KLHL22: variants seen among roughly 807,000 people sequenced by gnomAD.
The protein encoded by KLHL22 is kelch-like protein 22.
Under a neutral mutation model 60.7 loss-of-function variants are expected in KLHL22, and 18 were observed. The ratio of observed to expected loss-of-function variants is 0.30; its 90% confidence interval spans 0.20 to 0.44. The LOEUF is 0.44. KLHL22 is among the 20% of genes least tolerant of loss of function. The pLI is 1.00. For missense variants in KLHL22, 596 were observed against 852.3 expected, an observed-to-expected ratio of 0.70 and a Z score of 3.74; for synonymous variants, 355 against 354.5, an observed-to-expected ratio of 1.00 and a Z score of -0.01.
At chr22:20,450,089 G>C in intron 5 of KLHL22, 1 of 756,812 alleles carries the variant, frequency 1.3e-6, no homozygotes, top group East Asian at 2.4e-5. Context: ...CAGAATCCAA[G>C]GACCTATTTT....
intron 1 of KLHL22, among the ~76,000 whole-genome samples, chr22:20,492,328 C>T (rs1389753052): frequency 6.6e-6 from 1 of 152,172 alleles, no homozygotes; most frequent in Non-Finnish European, 1.5e-5. Context: ...CACTCTGGGT[C>T]AGACCACAGC....
intron 3 of KLHL22, among the ~76,000 whole-genome samples, chr22:20,467,334 C>A (rs1162745852): frequency 6.6e-6 from 1 of 152,230 alleles, no homozygotes; most frequent in East Asian, 1.9e-4. Context: ...ATACACTAAC[C>A]CACTCTGTGG....
chr22:20,467,869 A>G (rs1251283876), intron 3 of KLHL22, among the ~76,000 whole-genome samples: 1 of 152,198 alleles, frequency 6.6e-6, no homozygotes, highest in Non-Finnish European at 1.5e-5. Flanking sequence ...CGTGTTAGCC[A>G]GGATGGTCTC....
At chr22:20,451,358 C>T in intron 5 of KLHL22, 1 of 1,611,760 alleles carries the variant, frequency 6.2e-7, no homozygotes, top group East Asian at 2.2e-5. Context: ...GATATGCAGA[C>T]AGCCCGGGAA....
At chr22:20,450,388 TGTGTACACGG>T (rs1157525469) in intron 5 of KLHL22, 6 of 1,457,376 alleles carry the variant, frequency 4.1e-6, no homozygotes, top group Non-Finnish European at 4.8e-6. Context: ...TATTGGACTT[TGTGTACACGG>T]AAACAGTACA....
intron 1 of KLHL22, among the ~76,000 whole-genome samples, chr22:20,492,409 T>C (rs1008300568): frequency 2.0e-5 from 3 of 152,026 alleles, no homozygotes; most frequent in African/African-American, 7.2e-5. Context: ...AAGCCTTACC[T>C]ACTCAGCCCC....
chr22:20,449,694 C>T (rs1432352767), intron 5 of KLHL22, among the ~76,000 whole-genome samples: 4 of 152,246 alleles, frequency 2.6e-5, no homozygotes, highest in Non-Finnish European at 5.9e-5. Context: ...GTGTGAGCCA[C>T]CACACCTGGC....
Position 20,489,146 on chromosome 22 carries a change from G to A in KLHL22, c.66C>T (p.Cys22=), listed in dbSNP as rs528573801. The part of the protein sequence containing the change: ...KLPAQPSHPH[C]VNNTYRSAQH... ...GTGCGCTGCGGTAGGTGTTGTTCAC[G>A]CAGTGTGGGTGTGAGGGCTGTGCAG... The change falls in exon 2 of 7, where the codon TGC becomes TGT. Residue 22 remains cysteine (C), a synonymous_variant. Transcript: ENST00000328879. The A allele has an allele frequency of 2.5e-5, 41 of 1,614,162 alleles. No individual in the cohort carries two copies. Among genetic ancestry groups the A allele is most frequent in the South Asian group, 2.2e-4 (20 of 91,086 alleles).
intron 2 of KLHL22, chr22:20,482,786 TC>T: frequency 9.2e-7 from 1 of 1,082,054 alleles, no homozygotes; most frequent in Non-Finnish European, 1.4e-6. Flanking sequence ...GGCCTCCTGC[TC>T]CCCAAAGGAT....
Position 20,442,004 on chromosome 22 carries a change from C to G in KLHL22, c.*69G>C. On this transcript the variant is annotated 3_prime_UTR_variant, in exon 7 of 7. Coordinates refer to ENST00000328879, the MANE Select transcript of KLHL22 (RefSeq NM_032775.4). Reference sequence around the variant, plus strand: ...CCTGCCTGGAGTAAAGTGCTCTGGCCTAGGCTGCGTGGGTTTCACTGCCCT... The same window carrying G: ...CCTGCCTGGAGTAAAGTGCTCTGGCGTAGGCTGCGTGGGTTTCACTGCCCT... The G allele has an allele frequency of 6.8e-7, 1 of 1,468,144 alleles. No individual in the cohort carries two copies. Among genetic ancestry groups the G allele is most frequent in the Non-Finnish European group, 9.1e-7 (1 of 1,103,720 alleles). 90.9% of individuals were successfully genotyped at this position (1,468,144 alleles called of 1,614,324 possible).
chr22:20,451,354 C>G, intron 5 of KLHL22: 1 of 1,611,732 alleles, frequency 6.2e-7, no homozygotes, highest in Non-Finnish European at 8.5e-7. Flanking sequence ...GGGAGATATG[C>G]AGACAGCCCG....
intron 1 of KLHL22, chr22:20,491,401 C>T (rs563780519): frequency 6.6e-6 from 1 of 152,208 alleles, no homozygotes; most frequent in East Asian, 1.9e-4. Context: ...CTTATGCCTG[C>T]CTTGGCCTTT....
intron 2 of KLHL22, among the ~76,000 whole-genome samples, chr22:20,474,485 G>A (rs910335872): frequency 2.0e-5 from 3 of 152,134 alleles, no homozygotes; most frequent in South Asian, 2.1e-4. Context: ...TCCGCCTCCC[G>A]GGTTCAAGCA....
At chr22:20,468,220 G>A (rs1016111379) in intron 3 of KLHL22, among the ~76,000 whole-genome samples, 2 of 152,154 alleles carry the variant, frequency 1.3e-5, no homozygotes, top group Non-Finnish European at 2.9e-5. Flanking sequence ...ATTCTGGTTT[G>A]TCATGGGCCA....
intron 2 of KLHL22, among the ~76,000 whole-genome samples, chr22:20,485,325 T>C (rs1365448082): frequency 6.6e-6 from 1 of 152,030 alleles, no homozygotes; most frequent in Non-Finnish European, 1.5e-5. Flanking sequence ...AAAGTAAGTG[T>C]GCAATGAAAA....
Position 20,462,990 on chromosome 22 carries a change from A to G in KLHL22, c.1112+1868T>C, listed in dbSNP as rs578050586. Among the ~76,000 whole-genome samples, 50 of 152,340 alleles carry G rather than the reference A, an allele frequency of 3.3e-4. 1 individual carries two copies. In the South Asian group the frequency reaches 9.9e-3, roughly 30 times the overall value. ...TTGTTTCCTTATATTCTAAAAGCCT[A>G]TAGCTTTTAGAATTCACCAGTTCTA... On this transcript the variant is annotated intron_variant, in intron 4 of 6. Coordinates refer to ENST00000328879, the MANE Select transcript of KLHL22 (RefSeq NM_032775.4).
chr22:20,465,841 G>A lies in KLHL22; in HGVS notation c.394-265C>T, dbSNP rs2053226587. 6.6e-6 allele frequency among the ~76,000 whole-genome samples: 1 copy of A among 152,032 alleles called. No homozygotes were observed. Among genetic ancestry groups the A allele is most frequent in the Non-Finnish European group, 1.5e-5 (1 of 68,004 alleles). ...TTGTTTTGCTTTTCTTTGAGACAAA[G>A]TTTCGCTCTTGTTGCCCAGAATGGA... On this transcript the variant is annotated intron_variant, in intron 3 of 6. Transcript: ENST00000328879. This position sits in a 1 kb window ranked among gnomAD's most constrained non-coding sequence, Gnocchi z 4.9.
At chr22:20,475,467 T>C (rs1304982857) in intron 2 of KLHL22, among the ~76,000 whole-genome samples, 2 of 152,224 alleles carry the variant, frequency 1.3e-5, no homozygotes, top group East Asian at 3.8e-4. Context: ...TTTAAAACTG[T>C]TGATCCACCT....
chr22:20,464,877 C>T lies in KLHL22; in HGVS notation c.1093G>A (p.Ala365Thr). Residue 365 changes from alanine (A) to threonine (T), a missense_variant, in exon 4 of 7, where the codon GCA becomes ACA. Physicochemically the swap from Ala to Thr is moderately conservative, Grantham distance 58 (BLOSUM62 0). Coordinates refer to ENST00000328879, the MANE Select transcript of KLHL22 (RefSeq NM_032775.4). ...GGDNNVQGFR[A>T]ESRCWRYDPR... ...TCCTACCTCCAGCATCGGGACTCTGCTCGAAATCCTTGGACATTGTTGTCC... is the reference window on the plus strand; with the variant it reads ...TCCTACCTCCAGCATCGGGACTCTGTTCGAAATCCTTGGACATTGTTGTCC... 1 of 1,540,406 alleles carries T rather than the reference C, an allele frequency of 6.5e-7. No homozygotes were observed. The highest frequency in any genetic ancestry group is 8.7e-7 in the Non-Finnish European group (1 of 1,142,976).
Sources: gnomAD v4.1 joint callset for allele counts (sites outside exome capture counted in the v4.1 genomes callset) on GRCh38, gnomAD v4.1.1 for gene constraint, Gnocchi (gnomAD v3.1) non-coding constraint, MANE v1.5 for transcripts, NCBI Gene and HGNC (gene_info 2026-07-23, HGNC 2026-07-21) for gene names.